The following PRSS38 variants were observed in gnomAD, a reference collection of about 807,000 sequenced individuals.
PRSS38 encodes marapsin 2.
PRSS38 carries 22 observed loss-of-function variants against 26.8 expected under a neutral mutation model. The ratio of observed to expected loss-of-function variants is 0.82; its 90% confidence interval spans 0.59 to 1.17. PRSS38 has a LOEUF of 1.17. PRSS38 is among the 50% of genes most tolerant of loss of function. The probability of loss-of-function intolerance (pLI) is 0.00; values close to 1 mark genes in which losing one functional copy is unlikely to be tolerated. For synonymous variants in PRSS38, 175 were observed against 172.1 expected, an observed-to-expected ratio of 1.02 and a Z score of -0.13; for missense variants, 427 against 422.7, an observed-to-expected ratio of 1.01 and a Z score of -0.09.
Position 227,818,901 on chromosome 1 carries a change from C to T in PRSS38, c.583+1421C>T, listed in dbSNP as rs190022781. Reference sequence around the variant, plus strand: ...AACACTCTGATCCTAGTACCTTTTGCGGGTATAAATGATTACTCTGTCTTA... The same window carrying T: ...AACACTCTGATCCTAGTACCTTTTGTGGGTATAAATGATTACTCTGTCTTA... On this transcript the variant is annotated intron_variant, in intron 3 of 4. Coordinates refer to ENST00000366757, the Ensembl canonical transcript of PRSS38. Among the ~76,000 whole-genome samples, 612 of 152,112 alleles carry T rather than the reference C, an allele frequency of 4.0e-3. 7 individuals carry two copies. Among genetic ancestry groups the T allele is most frequent in the African/African-American group, 0.014 (578 of 41,488 alleles).
At chr1:227,817,212 C>T (rs1233269223) in exon 3 of PRSS38, 1 of 1,612,654 alleles carries the variant, frequency 6.2e-7, no homozygotes. Context: ...CCCACAGGGA[C>T]AAGAATATCA....
intron 3 of PRSS38, among the ~76,000 whole-genome samples, chr1:227,819,420 T>G (rs1002989883): frequency 1.3e-5 from 2 of 152,222 alleles, no homozygotes; most frequent in Non-Finnish European, 2.9e-5. Flanking sequence ...TTCTTACATA[T>G]TTGTTATTCG....
chr1:227,832,918 A>G (rs1394144200), intron 3 of PRSS38, among the ~76,000 whole-genome samples: 3 of 152,218 alleles, frequency 2.0e-5, no homozygotes, highest in African/African-American at 7.2e-5. Flanking sequence ...AATTAAGAAA[A>G]TTGTTCCATC....
intron 3 of PRSS38, among the ~76,000 whole-genome samples, chr1:227,831,203 C>T (rs1665148412): frequency 6.6e-6 from 1 of 152,074 alleles, no homozygotes; most frequent in African/African-American, 2.4e-5. Context: ...TTAAATGCTT[C>T]CCACAAATTT....
At chr1:227,826,342 T>C (rs986613221) in intron 3 of PRSS38, among the ~76,000 whole-genome samples, 17 of 152,340 alleles carry the variant, frequency 1.1e-4, no homozygotes, top group Middle Eastern at 3.4e-3. Context: ...ATTTGACTAC[T>C]TCTCTTCCTA....
At position 227,815,739 on chromosome 1, in the gene PRSS38, T is replaced by C; in HGVS notation, c.23T>C (p.Met8Thr). ...CTCATGGCTGCCCCTGCTTCCGTCATGGGCCCACTCGGGCCCTCTGCCCTG... is the reference window on the plus strand; with the variant it reads ...CTCATGGCTGCCCCTGCTTCCGTCACGGGCCCACTCGGGCCCTCTGCCCTG... The change falls in exon 1 of 5, where the codon ATG becomes ACG. Residue 8 changes from methionine (M) to threonine (T), a missense_variant. Coordinates refer to ENST00000366757, the Ensembl canonical transcript of PRSS38. 1.9e-6 allele frequency: 3 copies of C among 1,601,218 alleles called. No individual in the cohort carries two copies. The East Asian group carries it at 6.7e-5, about 36-fold the overall frequency.
chr1:227,828,839 G>A (rs1665111710), intron 3 of PRSS38, among the ~76,000 whole-genome samples: 1 of 152,172 alleles, frequency 6.6e-6, no homozygotes, highest in Non-Finnish European at 1.5e-5. Flanking sequence ...GGGTCTCCGT[G>A]TGTGCCTGAG....
chr1:227,839,693 C>A (rs1271747651), intron 3 of PRSS38, among the ~76,000 whole-genome samples: 3 of 152,158 alleles, frequency 2.0e-5, no homozygotes, highest in African/African-American at 7.2e-5. Flanking sequence ...TATGTCTTCT[C>A]CTGACATCCT....
exon 1 of PRSS38, chr1:227,815,806 C>T (rs774229501): frequency 6.2e-6 from 10 of 1,612,236 alleles, no homozygotes; most frequent in African/African-American, 4.0e-5. Flanking sequence ...CTCCCCGGGT[C>T]GCAGCATTGG....
chr1:227,825,650 G>C (rs1158020987), intron 3 of PRSS38, among the ~76,000 whole-genome samples: 1 of 152,136 alleles, frequency 6.6e-6, no homozygotes, highest in Non-Finnish European at 1.5e-5. Flanking sequence ...TTTTCCCATT[G>C]CTTGTTTTTG....
exon 3 of PRSS38, chr1:227,817,429 C>T (rs775361872): frequency 6.2e-7 from 1 of 1,614,168 alleles, no homozygotes; most frequent in Non-Finnish European, 8.5e-7. Flanking sequence ...AGAAGTGAAC[C>T]TTACCAGTGC....
intron 3 of PRSS38, among the ~76,000 whole-genome samples, chr1:227,818,169 T>C (rs1558231742): frequency 6.6e-6 from 1 of 152,188 alleles, no homozygotes; most frequent in Non-Finnish European, 1.5e-5. Context: ...TGGTTTTGGT[T>C]TGATTGGAAA....
At chr1:227,817,178 G>C (rs201685896) in intron 2 of PRSS38, 31 bp from the exon 3 acceptor site, 1 of 1,596,880 alleles carries the variant, frequency 6.3e-7, no homozygotes, top group South Asian at 1.1e-5. Flanking sequence ...AGGAAGCTGC[G>C]GGCATTGTAC....
At chr1:227,819,753 A>G (rs1664973801) in intron 3 of PRSS38, among the ~76,000 whole-genome samples, 1 of 152,190 alleles carries the variant, frequency 6.6e-6, no homozygotes, top group Admixed American at 6.5e-5. Flanking sequence ...AATTGCTTTC[A>G]TAACTATCTT....
chr1:227,844,514 C>T (rs1047673248), intron 3 of PRSS38, among the ~76,000 whole-genome samples: 9 of 147,810 alleles, frequency 6.1e-5, no homozygotes, highest in African/African-American at 2.3e-4. Context: ...GTGCTCCTTC[C>T]GGTTTGTGGT....
rs115663352 is a variant in PRSS38 at position 227,844,334 on chromosome 1, C to A, written c.584-1136C>A. On this transcript the variant is annotated intron_variant, in intron 3 of 4. Coordinates refer to ENST00000366757, the Ensembl canonical transcript of PRSS38. ...CTGATCAAGGCTTCCTCCCCTACCC[C>A]CCATGAGTGGTGAGGTTTCCTCCCT... 5.3e-5 allele frequency among the ~76,000 whole-genome samples: 8 copies of A among 152,176 alleles called. No homozygotes were observed. The East Asian group carries it at 1.4e-3, about 26-fold the overall frequency.
Position 227,816,395 on chromosome 1 carries a change from C to G in PRSS38, c.311+143C>G, listed in dbSNP as rs1177526616. 1 of 863,640 alleles carries G rather than the reference C, an allele frequency of 1.2e-6. No individual in the cohort carries two copies. The highest frequency in any genetic ancestry group is 1.7e-5 in the African/African-American group (1 of 59,528). The allele number at this position is 863,640 out of a possible 1,614,324, so 53.5% of individuals were successfully genotyped here. A position where few individuals can be genotyped will look rare whatever the true frequency, so the allele number is the denominator to read the frequency against. ...CTGTCGACCCGCGCAAGGCCAGGTC[C>G]CCACCAGTGAGGCTGGTCCCCAAAC... On this transcript the variant is annotated intron_variant, in intron 2 of 4. Transcript: ENST00000366757. This position sits in a 1 kb window ranked among gnomAD's most constrained non-coding sequence, Gnocchi z 5.1.
At chr1:227,833,280 C>T in intron 3 of PRSS38, among the ~76,000 whole-genome samples, 1 of 152,186 alleles carries the variant, frequency 6.6e-6, no homozygotes, top group East Asian at 1.9e-4. Flanking sequence ...GTAATCCCAG[C>T]ACTTTGGGAG....
In PRSS38 at chr1:227,816,379, C is replaced by A; in HGVS notation, c.311+127C>A. On this transcript the variant is annotated intron_variant, in intron 2 of 4. Transcript: ENST00000366757. This position sits in a 1 kb window ranked among gnomAD's most constrained non-coding sequence, Gnocchi z 5.1. ...TCGACTCCCTTCACCACTGTCGACC[C>A]GCGCAAGGCCAGGTCCCCACCAGTG... The A allele has an allele frequency of 4.0e-6, 4 of 998,550 alleles. No homozygotes were observed. Among genetic ancestry groups the A allele is most frequent in the Non-Finnish European group, 5.9e-6 (4 of 682,982 alleles). 61.9% of individuals were successfully genotyped at this position (998,550 alleles called of 1,614,324 possible).
Sources: allele counts gnomAD v4.1 joint callset (sites outside exome capture counted in the v4.1 genomes callset), GRCh38; gene constraint gnomAD v4.1.1; non-coding constraint Gnocchi (gnomAD v3.1); transcripts MANE v1.5; gene names NCBI Gene and HGNC (gene_info 2026-07-23, HGNC 2026-07-21).